EML1: variants seen among roughly 807,000 people sequenced by gnomAD.
EML1 encodes the protein EMAP like 1, also known as echinoderm microtubule-associated protein-like 1.
EML1 carries 27 observed loss-of-function variants against 110.4 expected under a neutral mutation model. That is an observed-to-expected ratio of 0.24 (90% CI 0.18 to 0.34). The LOEUF (loss-of-function observed/expected upper bound fraction) is 0.34, where lower values mean the gene tolerates loss of function less well. EML1 is among the 10% of genes least tolerant of loss of function. EML1 has a pLI of 1.00. For synonymous variants in EML1, 344 were observed against 385.8 expected (o/e 0.89, Z 1.27); for missense variants, 741 against 1,030.9 (o/e 0.72, Z 3.85).
chr14:99,813,454 C>A (rs2058115105), intron 1 of EML1, among the ~76,000 whole-genome samples: 1 of 152,184 alleles, frequency 6.6e-6, no homozygotes, highest in Non-Finnish European at 1.5e-5. Flanking sequence ...GTGGCTCACG[C>A]CTGTAATCCC....
At chr14:99,934,455 G>T (rs1017838681) in intron 17 of EML1, among the ~76,000 whole-genome samples, 1 of 152,228 alleles carries the variant, frequency 6.6e-6, no homozygotes, top group Non-Finnish European at 1.5e-5. Context: ...TCCCTGAGGC[G>T]CCAGGCCACC....
In EML1 at chr14:99,941,127, G is replaced by A. The variant is rs1429812990; in HGVS notation, c.*1015G>A. The A allele has an allele frequency of 5.3e-5, 8 of 152,134 alleles. No homozygotes were observed. The highest frequency in any genetic ancestry group is 1.7e-4 in the African/African-American group (7 of 41,416). The allele number at this position is 152,134 out of a possible 1,614,324, so 9.4% of individuals were successfully genotyped here. A position where few individuals can be genotyped will look rare whatever the true frequency, so the allele number is the denominator to read the frequency against. ...CTTTTCCTGTCTTTTGTGCATGGGC[G>A]ACCCATTACAGTATGAGATAAGATT... On this transcript the variant is annotated 3_prime_UTR_variant, in exon 22 of 22. Transcript: ENST00000262233.
Position 99,850,962 on chromosome 14 carries a change from A to G in EML1, c.177A>G (p.Leu59=). The G allele has an allele frequency of 6.2e-7, 1 of 1,614,186 alleles. No homozygotes were observed. The highest frequency in any genetic ancestry group is 8.5e-7 in the Non-Finnish European group (1 of 1,180,036). The change falls in exon 2 of 22, where the codon CTA becomes CTG. Residue 59 remains leucine (L), a synonymous_variant. Coordinates refer to ENST00000262233, the MANE Select transcript of EML1 (RefSeq NM_004434.3). ...ACATCCAGCTGCTCAAATCAGCTCTAGCTGATGTGGTTCGGCGGCTGAACA... is the reference window on the plus strand; with the variant it reads ...ACATCCAGCTGCTCAAATCAGCTCTGGCTGATGTGGTTCGGCGGCTGAACA... ...EDDIQLLKSA[L]ADVVRRLNIT... is the part of the protein sequence containing the mutation.
chr14:99,784,341 C>T lies in EML1; in HGVS notation c.-27+10328C>T, dbSNP rs2057576567. On this transcript the variant is annotated intron_variant, in intron 1 of 22. Coordinates refer to the EML1 transcript ENST00000327921. This position sits in a 1 kb window ranked among gnomAD's most constrained non-coding sequence, Gnocchi z 4.5. ...CTCCTGGACTCAAGGGATCTGCCCA[C>T]CTTGGCCTCCTCAAGTGCTGGGATA... Among the ~76,000 whole-genome samples the T allele has an allele frequency of 6.6e-6, 1 of 152,364 alleles. No individual in the cohort carries two copies. Among genetic ancestry groups the T allele is most frequent in the African/African-American group, 2.4e-5 (1 of 41,594 alleles).
At chr14:99,882,361 A>G (rs1253631481) in intron 4 of EML1, among the ~76,000 whole-genome samples, 2 of 152,202 alleles carry the variant, frequency 1.3e-5, no homozygotes, top group African/African-American at 4.8e-5. Flanking sequence ...TAGATTGATA[A>G]AGCATTTCAA....
chr14:99,891,201 A>T lies in EML1; in HGVS notation c.521A>T (p.Lys174Ile). 1 of 1,614,132 alleles carries T rather than the reference A, an allele frequency of 6.2e-7. No individual in the cohort carries two copies. The highest frequency in any genetic ancestry group is 8.5e-7 in the Non-Finnish European group (1 of 1,180,008). Residue 174 changes from lysine to isoleucine, a missense_variant and splice_region_variant, in exon 5 of 22, where the codon AAA becomes ATA. Lys to Ile is a moderately radical substitution (Grantham distance 102). Transcript: ENST00000262233. ...SSSGKKNSES[K>I]PKEPVFSAEE... ...CTGTTTTTCGTTTATTTTCACAGCA[A>T]ACCCAAGGAGCCTGTATTCAGTGCA...
intron 1 of EML1, among the ~76,000 whole-genome samples, chr14:99,807,680 A>G (rs953145359): frequency 3.9e-5 from 6 of 152,098 alleles, no homozygotes; most frequent in Non-Finnish European, 8.8e-5. Context: ...CTTCCCCTCC[A>G]CTGCTCCTAC....
chr14:99,927,271 T>G (rs2060251706), intron 17 of EML1, among the ~76,000 whole-genome samples: 1 of 152,240 alleles, frequency 6.6e-6, no homozygotes, highest in African/African-American at 2.4e-5. Flanking sequence ...TCTCTCTCCC[T>G]CTATTACAGT....
chr14:99,758,438 A>T (rs963652235), intron 1 of EML1, among the ~76,000 whole-genome samples: 5 of 152,100 alleles, frequency 3.3e-5, no homozygotes, highest in African/African-American at 1.2e-4. Flanking sequence ...TACCCCGGGA[A>T]ATGTTGCTGA....
At chr14:99,898,323 A>G (rs558704366) in intron 8 of EML1, 21 bp downstream of exon 8, 205 of 1,604,432 alleles carry the variant, frequency 1.3e-4, no homozygotes, top group Non-Finnish European at 1.6e-4. Context: ...TTACCTTTTC[A>G]TTGTTTCATA....
At chr14:99,877,815 G>A (rs544872648) in intron 3 of EML1, among the ~76,000 whole-genome samples, 4 of 152,252 alleles carry the variant, frequency 2.6e-5, no homozygotes, top group African/African-American at 7.2e-5. Flanking sequence ...ATTTCTAGCC[G>A]CACCCCGGGT....
upstream of EML1, among the ~76,000 whole-genome samples, chr14:99,793,178 C>T (rs1215373709): frequency 6.8e-6 from 1 of 147,294 alleles, no homozygotes; most frequent in Non-Finnish European, 1.5e-5. Flanking sequence ...GGGCCGCGCT[C>T]CCCGCGGGGA....
In EML1 at chr14:99,914,672, G is replaced by A. The variant is rs200753382; in HGVS notation, c.1727G>A (p.Arg576His). 3.5e-5 allele frequency: 56 copies of A among 1,608,606 alleles called. No individual in the cohort carries two copies. Among genetic ancestry groups the A allele is most frequent in the African/African-American group, 6.7e-5 (5 of 74,716 alleles). ...HATLWDAVGH[R>H]PVWDKIIEDP... ...ACTCTCTGGGACGCTGTGGGTCACC[G>A]TCCCGTCTGGGACAAAATAATAGAG... Residue 576 changes from arginine to histidine, a missense_variant, in exon 15 of 22, where the codon CGT (arginine) becomes CAT (histidine). This residue lies in a region of EML1 where 388 missense variants were observed against 605.6 expected (regional missense o/e 0.64). Coordinates refer to ENST00000262233, the MANE Select transcript of EML1 (RefSeq NM_004434.3).
intron 1 of EML1, among the ~76,000 whole-genome samples, chr14:99,806,656 A>G (rs1239869633): frequency 2.6e-5 from 4 of 151,944 alleles, no homozygotes; most frequent in African/African-American, 9.7e-5. Flanking sequence ...TCCTTCCCCC[A>G]AGCAAGAGCC....
intron 1 of EML1, among the ~76,000 whole-genome samples, chr14:99,794,146 C>CT (rs557871625): frequency 2.3e-4 from 35 of 152,132 alleles, no homozygotes; most frequent in Non-Finnish European, 4.3e-4. Flanking sequence ...ATTCTTTTTT[C>CT]TTTTTTTGTT....
chr14:99,781,229 C>T lies in EML1; in HGVS notation c.-27+7216C>T, dbSNP rs1226474588. 6.6e-6 allele frequency among the ~76,000 whole-genome samples: 1 copy of T among 152,080 alleles called. No homozygotes were observed. The highest frequency in any genetic ancestry group is 1.5e-5 in the Non-Finnish European group (1 of 68,022). ...CCATCAAGTGTGCTTGGCTCTTCCC[C>T]TCCTGACACCGCCCCCTCAGGTGGG... On this transcript the variant is annotated intron_variant, in intron 1 of 22. Transcript: ENST00000327921. This position sits in a 1 kb window ranked among gnomAD's most constrained non-coding sequence, Gnocchi z 4.2.
chr14:99,859,860 C>T (rs1420504142), intron 2 of EML1, among the ~76,000 whole-genome samples: 1 of 152,184 alleles, frequency 6.6e-6, no homozygotes, highest in Admixed American at 6.5e-5. Flanking sequence ...ACCCATTGTC[C>T]ACAACAGAGC....
At chr14:99,809,625 C>T in intron 1 of EML1, 1 of 456,094 alleles carries the variant, frequency 2.2e-6, no homozygotes, top group South Asian at 1.5e-5. Context: ...TGAGTCAGGC[C>T]TGCAACGTCT....
At chr14:99,804,060 T>G (rs2057929020) in intron 1 of EML1, among the ~76,000 whole-genome samples, 1 of 152,210 alleles carries the variant, frequency 6.6e-6, no homozygotes, top group Non-Finnish European at 1.5e-5. Context: ...AATTAGTCCT[T>G]TAGAAAGTAA....
Sources: allele counts gnomAD v4.1 joint callset (sites outside exome capture counted in the v4.1 genomes callset), GRCh38; gene constraint gnomAD v4.1.1; regional missense constraint gnomAD v4.1.1; non-coding constraint Gnocchi (gnomAD v3.1); transcripts MANE v1.5; gene names NCBI Gene and HGNC (gene_info 2026-07-23, HGNC 2026-07-21).